Variants in TSPAN18 observed in about 807,000 individuals in gnomAD.
TSPAN18 encodes tetraspanin 18.
Under a neutral mutation model 27.3 loss-of-function variants are expected in TSPAN18, and 14 were observed. That is an observed-to-expected ratio of 0.51 (90% CI 0.34 to 0.80). The LOEUF is 0.80. TSPAN18 is among the 30% of genes least tolerant of loss of function. The pLI is 0.01. For missense variants in TSPAN18, 268 were observed against 323.9 expected, an observed-to-expected ratio of 0.83 and a Z score of 1.32; for synonymous variants, 143 against 136.5, an observed-to-expected ratio of 1.05 and a Z score of -0.33.
In TSPAN18 at chr11:44,877,578, G is replaced by A. The variant is rs368018975; in HGVS notation, c.-11+17109G>A. ...TGCTCCTCTGTTAGATCATCTCCCC[G>A]GGTGTCCAAGCATCTGGGGCCTCAG... On this transcript the variant is annotated intron_variant, in intron 3 of 9. Coordinates refer to ENST00000520358, the MANE Select transcript of TSPAN18 (RefSeq NM_130783.5). Among the ~76,000 whole-genome samples the A allele has an allele frequency of 1.3e-3, 199 of 152,266 alleles. 4 individuals carry two copies. In the South Asian group the frequency reaches 0.04, roughly 31 times the overall value.
At chr11:44,883,431 C>G (rs11038185) in intron 3 of TSPAN18, among the ~76,000 whole-genome samples, 1 of 152,214 alleles carries the variant, frequency 6.6e-6, no homozygotes, top group Admixed American at 6.5e-5. Context: ...TGAGTCATAA[C>G]AGCGCGTGCT....
At chr11:44,869,606 T>C (rs931018134) in intron 3 of TSPAN18, among the ~76,000 whole-genome samples, 2 of 152,186 alleles carry the variant, frequency 1.3e-5, no homozygotes, top group Non-Finnish European at 2.9e-5. Context: ...CAGGATGTGA[T>C]TGGTGCTGCC....
At chr11:44,730,537 C>A (rs1199711591) in intron 1 of TSPAN18, among the ~76,000 whole-genome samples, 1 of 152,128 alleles carries the variant, frequency 6.6e-6, no homozygotes, top group Non-Finnish European at 1.5e-5. Flanking sequence ...GCAAATGTAC[C>A]AGCTTGGGCT....
At chr11:44,728,378 T>G (rs1223866822) in intron 1 of TSPAN18, among the ~76,000 whole-genome samples, 1 of 152,198 alleles carries the variant, frequency 6.6e-6, no homozygotes, top group Non-Finnish European at 1.5e-5. Flanking sequence ...TTTTTGGAGT[T>G]GCAGAAACCC....
Position 44,927,761 on chromosome 11 carries a change from A to G in TSPAN18, c.699+1004A>G, listed in dbSNP as rs571732959. On this transcript the variant is annotated intron_variant, in intron 9 of 9. Transcript: ENST00000520358. ...GGGACGTGTCCCATGAAGGAATAGC[A>G]TGGGCCCTAGAGTCCGGCTCCCAGC... Among the ~76,000 whole-genome samples, 11 of 152,276 alleles carry G rather than the reference A, an allele frequency of 7.2e-5. No individual in the cohort carries two copies. In the South Asian group the frequency reaches 2.3e-3, roughly 32 times the overall value.
chr11:44,843,209 C>T (rs760977006), intron 2 of TSPAN18, among the ~76,000 whole-genome samples: 2 of 152,078 alleles, frequency 1.3e-5, no homozygotes, highest in Non-Finnish European at 2.9e-5. Flanking sequence ...TCCTAAGCAT[C>T]GGCTGGCTTG....
At chr11:44,843,128 C>G (rs1348223746) in intron 2 of TSPAN18, among the ~76,000 whole-genome samples, 1 of 152,188 alleles carries the variant, frequency 6.6e-6, no homozygotes, top group African/African-American at 2.4e-5. Flanking sequence ...TTCTGTATTT[C>G]TATGTAATAT....
chr11:44,896,178 C>A (rs571815549), intron 3 of TSPAN18, among the ~76,000 whole-genome samples: 10 of 152,224 alleles, frequency 6.6e-5, no homozygotes, highest in African/African-American at 2.2e-4. Flanking sequence ...CCCACCACCC[C>A]TTCACTGACC....
intron 2 of TSPAN18, among the ~76,000 whole-genome samples, chr11:44,793,561 C>T: frequency 6.6e-6 from 1 of 152,160 alleles, no homozygotes; most frequent in East Asian, 1.9e-4. Context: ...TTTTCCACCT[C>T]AGTTTTCTTT....
At chr11:44,731,922 T>G (rs1421990965) in intron 1 of TSPAN18, among the ~76,000 whole-genome samples, 3 of 152,236 alleles carry the variant, frequency 2.0e-5, no homozygotes, top group Non-Finnish European at 4.4e-5. Flanking sequence ...AAACCATATG[T>G]GCAGATAATG....
chr11:44,920,548 G>A (rs1408773277), intron 8 of TSPAN18, among the ~76,000 whole-genome samples: 1 of 152,154 alleles, frequency 6.6e-6, no homozygotes, highest in Admixed American at 6.5e-5. Context: ...GCCATTTCTA[G>A]GGAAGACAAG....
intron 3 of TSPAN18, among the ~76,000 whole-genome samples, chr11:44,880,640 G>A (rs559172119): frequency 6.6e-5 from 10 of 152,302 alleles, no homozygotes; most frequent in East Asian, 1.9e-4. Context: ...CCAAGCCACC[G>A]TGTAATATTG....
At chr11:44,874,122 G>A (rs1313752150) in intron 3 of TSPAN18, among the ~76,000 whole-genome samples, 1 of 152,182 alleles carries the variant, frequency 6.6e-6, no homozygotes. Context: ...CCACCATGGA[G>A]CCGTGCACTC....
At chr11:44,861,386 C>T (rs565770000) in intron 3 of TSPAN18, among the ~76,000 whole-genome samples, 1 of 96,860 alleles carries the variant, frequency 1.0e-5, no homozygotes, top group African/African-American at 4.0e-5. Flanking sequence ...GCAGTCGGTG[C>T]GGGGGTTGGT....
intron 2 of TSPAN18, among the ~76,000 whole-genome samples, chr11:44,797,587 C>CA (rs1325279882): frequency 1.3e-5 from 2 of 152,152 alleles, no homozygotes; most frequent in Non-Finnish European, 2.9e-5. Context: ...CGGGAGCAAA[C>CA]ACACCTACAG....
chr11:44,891,856 G>C (rs1387545553), intron 3 of TSPAN18, among the ~76,000 whole-genome samples: 1 of 152,204 alleles, frequency 6.6e-6, no homozygotes, highest in Non-Finnish European at 1.5e-5. Context: ...AAAGGCCAAG[G>C]ATGCTCACTA....
intron 5 of TSPAN18, among the ~76,000 whole-genome samples, chr11:44,913,716 C>A (rs1205173623): frequency 6.6e-6 from 1 of 152,162 alleles, no homozygotes; most frequent in Non-Finnish European, 1.5e-5. Context: ...GGAAATGTTC[C>A]CAACTAGACA....
At chr11:44,848,698 T>C (rs1360903671) in intron 2 of TSPAN18, among the ~76,000 whole-genome samples, 1 of 152,168 alleles carries the variant, frequency 6.6e-6, no homozygotes, top group African/African-American at 2.4e-5. Context: ...AGGGAAGCAA[T>C]CATTGGGGTA....
intron 2 of TSPAN18, among the ~76,000 whole-genome samples, chr11:44,801,891 G>C (rs552515024): frequency 2.0e-5 from 3 of 152,174 alleles, no homozygotes; most frequent in African/African-American, 7.2e-5. Flanking sequence ...CATCAGCTGG[G>C]TGTGGTGGTG....
Sources: gnomAD v4.1 joint callset for allele counts (sites outside exome capture counted in the v4.1 genomes callset) on GRCh38, gnomAD v4.1.1 for gene constraint, MANE v1.5 for transcripts, NCBI Gene and HGNC (gene_info 2026-07-23, HGNC 2026-07-21) for gene names.